Variants in SAFB2 observed in about 807,000 individuals in gnomAD.
SAFB2 encodes scaffold attachment factor B2.
A neutral mutation model predicts 100.6 loss-of-function variants in SAFB2; 32 were observed. That is an observed-to-expected ratio of 0.32 (90% confidence interval 0.24 to 0.43). The LOEUF is 0.43. Among genes scored for constraint, SAFB2 ranks in the 20% least tolerant of loss-of-function variants. The pLI is 1.00. For missense variants in SAFB2, 1,185 were observed against 1,163.4 expected, an observed-to-expected ratio of 1.02 and a Z score of -0.27; for synonymous variants, 500 against 439.4, an observed-to-expected ratio of 1.14 and a Z score of -1.72.
intron 1 of SAFB2, 59 bp downstream of exon 1, chr19:5,622,471 G>A (rs2053186032): frequency 2.0e-6 from 3 of 1,483,604 alleles, no homozygotes; most frequent in South Asian, 2.6e-5. Context: ...GCGGTGACAG[G>A]TGCAGGCGGG....
At chr19:5,618,761 T>C (rs1303720840) in intron 2 of SAFB2, among the ~76,000 whole-genome samples, 1 of 152,230 alleles carries the variant, frequency 6.6e-6, no homozygotes, top group Non-Finnish European at 1.5e-5. Context: ...ACAGAAAAGC[T>C]AATGTGGCGC....
chr19:5,593,643 G>A, intron 15 of SAFB2: 1 of 441,892 alleles, frequency 2.3e-6, no homozygotes, highest in East Asian at 3.7e-5. Flanking sequence ...TTCAGCAAGT[G>A]GCAGCCATCA....
At position 5,622,758 on chromosome 19, in the gene SAFB2, C is replaced by A; in HGVS notation, c.-43G>T. On this transcript the variant is annotated 5_prime_UTR_variant, in exon 1 of 21. Transcript: ENST00000252542. Reference sequence around the variant, plus strand: ...CGCCACCGACTCAGTCGCACACCGCCGGCAGCTATAGCGGCTCTGAACACA... The same window carrying A: ...CGCCACCGACTCAGTCGCACACCGCAGGCAGCTATAGCGGCTCTGAACACA... 6.4e-7 allele frequency: 1 copy of A among 1,562,830 alleles called. No homozygotes were observed. The highest frequency in any genetic ancestry group is 8.6e-7 in the Non-Finnish European group (1 of 1,159,148).
intron 11 of SAFB2, among the ~76,000 whole-genome samples, chr19:5,602,744 T>C (rs528118574): frequency 6.5e-4 from 99 of 152,214 alleles, no homozygotes; most frequent in African/African-American, 2.2e-3. Context: ...TTACCGCCTT[T>C]CCCACAAATA....
At chr19:5,616,638 GTTTTCT>G (rs2053038062) in intron 2 of SAFB2, 152 bp from the exon 3 acceptor site, 3 of 144,614 alleles carry the variant, frequency 2.1e-5, no homozygotes, top group Non-Finnish European at 3.9e-5. Flanking sequence ...GTCTCAATTT[GTTTTCT>G]TTTTTTTTTT....
At position 5,587,218 on chromosome 19, in the gene SAFB2, C is replaced by G. The variant is rs767674920; in HGVS notation, c.*25G>C. 73 of 1,607,028 alleles carry G rather than the reference C, an allele frequency of 4.5e-5. No homozygotes were observed. The highest frequency in any genetic ancestry group is 3.4e-6 in the Non-Finnish European group (4 of 1,175,098). ...CCAGATTCAACAGTGCGTCTGCCCACCCGAAAACTCGCAGCGAGTGGGACT... is the reference window on the plus strand; with the variant it reads ...CCAGATTCAACAGTGCGTCTGCCCAGCCGAAAACTCGCAGCGAGTGGGACT... On this transcript the variant is annotated 3_prime_UTR_variant, in exon 21 of 21. Transcript: ENST00000252542. This position sits in a 1 kb window ranked among gnomAD's most constrained non-coding sequence, Gnocchi z 4.9.
At chr19:5,618,209 A>G (rs1359909975) in intron 2 of SAFB2, among the ~76,000 whole-genome samples, 1 of 151,986 alleles carries the variant, frequency 6.6e-6, no homozygotes, top group Non-Finnish European at 1.5e-5. Context: ...CTAAAAATAG[A>G]AAAACAGCCG....
At chr19:5,590,761 T>C (rs547357762) in intron 17 of SAFB2, among the ~76,000 whole-genome samples, 58 of 151,194 alleles carry the variant, frequency 3.8e-4, no homozygotes, top group African/African-American at 1.4e-3. Flanking sequence ...AGGAGGGCCC[T>C]CGGGTGGGTC....
chr19:5,593,176 T>C (rs560691571), intron 15 of SAFB2, among the ~76,000 whole-genome samples: 1 of 152,226 alleles, frequency 6.6e-6, no homozygotes. Flanking sequence ...TCCCCCCTCA[T>C]GAGCAACTGA....
Position 5,616,684 on chromosome 19 carries a change from C to G in SAFB2, c.275-198G>C, listed in dbSNP as rs957389093. ...TTTTTTTTTTTGAGATGGAGTCTCC[C>G]TGTGTCACCCAGGCTGGAGTGCAGC... is the stretch of plus-strand genomic sequence containing the variant. On this transcript the variant is annotated intron_variant, in intron 2 of 20. Coordinates refer to ENST00000252542, the MANE Select transcript of SAFB2 (RefSeq NM_014649.3). 4.1e-5 allele frequency among the ~76,000 whole-genome samples: 5 copies of G among 120,626 alleles called. No individual in the cohort carries two copies. The Admixed American group carries it at 4.5e-4, about 11-fold the overall frequency. The allele number at this position is 120,626 out of a possible 152,430, so 79.1% of individuals were successfully genotyped here. A position where few individuals can be genotyped will look rare whatever the true frequency, so the allele number is the denominator to read the frequency against.
intron 1 of SAFB2, among the ~76,000 whole-genome samples, 186 bp from the exon 2 acceptor site, chr19:5,621,582 G>A (rs2053149384): frequency 6.6e-6 from 1 of 152,202 alleles, no homozygotes; most frequent in African/African-American, 2.4e-5. Flanking sequence ...GGTCTCTCTG[G>A]GTCCAAATGA....
intron 18 of SAFB2, among the ~76,000 whole-genome samples, chr19:5,589,713 A>G (rs554474125): frequency 6.6e-6 from 1 of 152,284 alleles, no homozygotes; most frequent in East Asian, 1.9e-4. Context: ...GACAAGGCTC[A>G]GAACAGCACC....
At chr19:5,603,888 G>A (rs1335055801) in intron 11 of SAFB2, among the ~76,000 whole-genome samples, 2 of 152,252 alleles carry the variant, frequency 1.3e-5, no homozygotes, top group African/African-American at 2.4e-5. Context: ...CTGGGTGTAT[G>A]ACAGTTGCTG....
At chr19:5,588,418 A>G (rs752567068) in intron 18 of SAFB2, among the ~76,000 whole-genome samples, 6 of 152,232 alleles carry the variant, frequency 3.9e-5, no homozygotes, top group African/African-American at 7.2e-5. Context: ...AAATGAAAAC[A>G]TGGCCAAAGA....
In SAFB2 at chr19:5,617,922, G is replaced by A. The variant is rs998165127; in HGVS notation, c.275-1436C>T. On this transcript the variant is annotated intron_variant, in intron 2 of 20. Transcript: ENST00000252542. ...TTTGGGAGGCTAAGGCAGGTGGCTC[G>A]CTTGAGCCTAGGAATTAAGAGACAA... Among the ~76,000 whole-genome samples the A allele has an allele frequency of 4.6e-5, 7 of 152,108 alleles. No individual in the cohort carries two copies. The East Asian group carries it at 9.6e-4, about 21-fold the overall frequency.
At chr19:5,619,744 C>A (rs1203377048) in intron 2 of SAFB2, among the ~76,000 whole-genome samples, 47 of 151,952 alleles carry the variant, frequency 3.1e-4, no homozygotes, top group Non-Finnish European at 8.8e-5. Flanking sequence ...ACTCAGGAGG[C>A]TGAGGCACAA....
chr19:5,612,676 CA>C, intron 5 of SAFB2, 109 bp from the exon 6 acceptor site: 1 of 848,532 alleles, frequency 1.2e-6, no homozygotes, highest in East Asian at 2.5e-5. Context: ...CCTGTTTCCA[CA>C]AAACTTTCTT....
intron 13 of SAFB2, among the ~76,000 whole-genome samples, chr19:5,596,880 T>C (rs773472917): frequency 1.3e-5 from 2 of 151,994 alleles, no homozygotes; most frequent in South Asian, 2.1e-4. Context: ...TTAGCCCCCA[T>C]AGGAGAGAAA....
chr19:5,613,919 G>A (rs542011522), intron 4 of SAFB2, among the ~76,000 whole-genome samples: 8 of 152,232 alleles, frequency 5.3e-5, no homozygotes, highest in Middle Eastern at 3.4e-3. Flanking sequence ...AACACTAACC[G>A]GGCACTTTCT....
Sources: gnomAD v4.1 joint callset for allele counts (sites outside exome capture counted in the v4.1 genomes callset) on GRCh38, gnomAD v4.1.1 for gene constraint, Gnocchi (gnomAD v3.1) non-coding constraint, MANE v1.5 for transcripts, NCBI Gene and HGNC (gene_info 2026-07-23, HGNC 2026-07-21) for gene names.